The following STXBP4 variants were observed in gnomAD, a reference collection of about 807,000 sequenced individuals.
STXBP4 encodes the protein syntaxin binding protein 4, also known as syntaxin-binding protein 4.
Under a neutral mutation model 76.1 loss-of-function variants are expected in STXBP4, and 55 were observed. The ratio of observed to expected loss-of-function variants is 0.72; its 90% CI spans 0.58 to 0.91. STXBP4 has a LOEUF of 0.91. Ranked by LOEUF, STXBP4 falls within the 40% of genes least tolerant of loss-of-function variation. The pLI is 0.00. For synonymous variants in STXBP4, 201 were observed against 220.2 expected (o/e 0.91, Z 0.77); for missense variants, 618 against 636.9 (o/e 0.97, Z 0.32).
chr17:55,056,506 C>G (rs2078924644), intron 12 of STXBP4, among the ~76,000 whole-genome samples: 3 of 152,086 alleles, frequency 2.0e-5, no homozygotes, highest in Admixed American at 2.0e-4. Context: ...TCCACACTAA[C>G]AAAACTATTT....
chr17:55,184,822 T>C, the STXBP4 span, among the ~76,000 whole-genome samples: 5 of 152,306 alleles, frequency 3.3e-5, no homozygotes, highest in East Asian at 7.7e-4. Context: ...GATGGTATTA[T>C]TGTACTAATG....
At chr17:55,076,347 G>A (rs1360561133) in intron 13 of STXBP4, among the ~76,000 whole-genome samples, 1 of 152,096 alleles carries the variant, frequency 6.6e-6, no homozygotes, top group Non-Finnish European at 1.5e-5. Flanking sequence ...CTTTCTTCAT[G>A]AGTACATATT....
At chr17:55,082,346 A>T (rs2079266603) in intron 16 of STXBP4, among the ~76,000 whole-genome samples, 1 of 152,192 alleles carries the variant, frequency 6.6e-6, no homozygotes, top group South Asian at 2.1e-4. Context: ...TAAAGTTCTG[A>T]AGAGAAGAAA....
At chr17:55,031,022 A>G (rs1436727542) in intron 8 of STXBP4, 146 bp from the exon 9 acceptor site, 3 of 584,244 alleles carry the variant, frequency 5.1e-6, no homozygotes, top group Non-Finnish European at 9.0e-6. Flanking sequence ...CACTTAATCC[A>G]TAAAGAGCTG....
Position 55,167,358 on chromosome 17 carries a change from T to C in STXBP4, c.*7447T>C, listed in dbSNP as rs1464443675. On this transcript the variant is annotated 3_prime_UTR_variant, in exon 18 of 18. Transcript: ENST00000376352. ...CATTAACATAAAAAACTCTTTTAGCTGTTTCCTGCTTCTGGCAGGGAAACA... is the reference window on the plus strand; with the variant it reads ...CATTAACATAAAAAACTCTTTTAGCCGTTTCCTGCTTCTGGCAGGGAAACA... 3.3e-5 allele frequency: 5 copies of C among 152,252 alleles called. No individual in the cohort carries two copies. The highest frequency in any genetic ancestry group is 3.3e-4 in the Admixed American group (5 of 15,292). The allele number at this position is 152,252 out of a possible 1,614,324, so 9.4% of individuals were successfully genotyped here. A position where few individuals can be genotyped will look rare whatever the true frequency, so the allele number is the denominator to read the frequency against.
chr17:55,101,334 A>T (rs2079562434), intron 16 of STXBP4, among the ~76,000 whole-genome samples: 1 of 152,106 alleles, frequency 6.6e-6, no homozygotes, highest in African/African-American at 2.4e-5. Context: ...CCCCTTTGAC[A>T]CTTTTCTATC....
At chr17:55,095,783 C>A (rs908454379) in intron 16 of STXBP4, among the ~76,000 whole-genome samples, 1 of 152,094 alleles carries the variant, frequency 6.6e-6, no homozygotes, top group African/African-American at 2.4e-5. Context: ...GATCAAAGCT[C>A]ATAGAACTTA....
intron 8 of STXBP4, among the ~76,000 whole-genome samples, chr17:55,030,103 C>A (rs1329788781): frequency 2.0e-5 from 3 of 152,188 alleles, no homozygotes; most frequent in Non-Finnish European, 4.4e-5. Flanking sequence ...CTATATATAA[C>A]TGGCGAACTC....
At chr17:54,969,911 A>G (rs1353296025) in intron 1 of STXBP4, among the ~76,000 whole-genome samples, 3 of 152,252 alleles carry the variant, frequency 2.0e-5, no homozygotes, top group African/African-American at 7.2e-5. Flanking sequence ...GGAATTTCAG[A>G]TAACAATCAG....
At chr17:54,979,567 A>G (rs1191431765) in intron 1 of STXBP4, among the ~76,000 whole-genome samples, 1 of 152,220 alleles carries the variant, frequency 6.6e-6, no homozygotes, top group Non-Finnish European at 1.5e-5. Context: ...CTCAATATGA[A>G]CTGAAATTCT....
chr17:55,109,939 G>C (rs244366), intron 16 of STXBP4, among the ~76,000 whole-genome samples: 95,256 of 152,008 alleles, frequency 0.63, 30,516 homozygotes, highest in African/African-American at 0.75. Context: ...GCACCCAGCT[G>C]TCAATGTCTT....
intron 16 of STXBP4, among the ~76,000 whole-genome samples, chr17:55,083,106 A>G (rs2079277963): frequency 1.3e-5 from 2 of 151,844 alleles, no homozygotes; most frequent in African/African-American, 4.8e-5. Flanking sequence ...CCTCTCAGGT[A>G]GCTGAGACCA....
rs903298298 is a variant in STXBP4 at position 55,087,373 on chromosome 17, A to AT, written c.1489+6197dup. Reference sequence around the variant, plus strand: ...ACCATTGTCTTGAAGTGTTTCCCCTATTTTTTTCTCCTAGTAGTTTTATAT... The same window carrying AT: ...ACCATTGTCTTGAAGTGTTTCCCCTATTTTTTTTCTCCTAGTAGTTTTATAT... On this transcript the variant is annotated intron_variant, in intron 16 of 17. Transcript: ENST00000376352. Among the ~76,000 whole-genome samples the AT allele has an allele frequency of 2.6e-5, 4 of 151,556 alleles. No individual in the cohort carries two copies. The South Asian group carries it at 8.4e-4, about 32-fold the overall frequency.
In STXBP4 at chr17:54,999,441, G is replaced by A; in HGVS notation, c.277G>A (p.Ala93Thr). 1 of 1,610,282 alleles carries A rather than the reference G, an allele frequency of 6.2e-7. No homozygotes were observed. Among genetic ancestry groups the A allele is most frequent in the Non-Finnish European group, 8.5e-7 (1 of 1,178,202 alleles). ...AGAAGCAAAAAGCATAATTACCGGA[G>A]CCAAGTTGAGGTAACTATACTATCC... ...FEEAKSIITG[A>T]KLRLESAWEI... Residue 93 changes from alanine (A) to threonine (T), a missense_variant, in exon 5 of 18, where the codon GCC (alanine) becomes ACC (threonine). By Grantham distance (58) the Ala-to-Thr change is moderately conservative. Transcript: ENST00000376352.
chr17:55,014,032 C>T (rs181320100), intron 8 of STXBP4, among the ~76,000 whole-genome samples: 159 of 152,310 alleles, frequency 1.0e-3, no homozygotes, highest in African/African-American at 3.4e-3. Context: ...AGATCTTGCA[C>T]TAACCTCCAC....
At position 55,130,176 on chromosome 17, in the gene STXBP4, T is replaced by A. The variant is rs2079959120; in HGVS notation, c.1490-11134T>A. The stretch of plus-strand genomic sequence containing the variant: ...AAAAAATTAATTTGAAAATAAATTG[T>A]TCCCCAGATACTCCAGATAAAAACT... On this transcript the variant is annotated intron_variant, in intron 16 of 17. Transcript: ENST00000376352. 2.0e-5 allele frequency among the ~76,000 whole-genome samples: 3 copies of A among 152,176 alleles called. No individual in the cohort carries two copies. The South Asian group carries it at 6.2e-4, about 32-fold the overall frequency.
chr17:55,166,174 C>A lies in STXBP4; in HGVS notation c.*6263C>A, dbSNP rs530868623. The A allele has an allele frequency of 1.3e-5, 2 of 152,074 alleles. No individual in the cohort carries two copies. Among genetic ancestry groups the A allele is most frequent in the Non-Finnish European group, 2.9e-5 (2 of 68,024 alleles). The allele number at this position is 152,074 out of a possible 1,614,324, so 9.4% of individuals were successfully genotyped here. On this transcript the variant is annotated 3_prime_UTR_variant, in exon 18 of 18. Transcript: ENST00000376352. The stretch of plus-strand genomic sequence containing the variant: ...CTGTCTCTGCTTCTTCCTTAGGCAG[C>A]GATTTACCTAATTGGTGAGTTTAGG...
rs2080325221 is a variant in STXBP4 at position 55,160,190 on chromosome 17, A to G, written c.*279A>G. 1 of 191,500 alleles carries G rather than the reference A, an allele frequency of 5.2e-6. No individual in the cohort carries two copies. The highest frequency in any genetic ancestry group is 2.3e-5 in the African/African-American group (1 of 42,968). 11.9% of individuals were successfully genotyped at this position (191,500 alleles called of 1,614,324 possible). A position where few individuals can be genotyped will look rare whatever the true frequency, so the allele number is the denominator to read the frequency against. ...TTATAATATATATACTTTTTCATAT[A>G]TAATTAGATCTTTCTTTGTAATTTC... On this transcript the variant is annotated 3_prime_UTR_variant, in exon 18 of 18. Coordinates refer to ENST00000376352, the MANE Select transcript of STXBP4 (RefSeq NM_178509.6).
In STXBP4 at chr17:55,034,178, G is replaced by A; in HGVS notation, c.774G>A (p.Gln258=). 1.2e-6 allele frequency: 2 copies of A among 1,612,150 alleles called. No individual in the cohort carries two copies. The change falls in exon 10 of 18, where the codon CAG becomes CAA. Residue 258 remains glutamine, a synonymous_variant. Coordinates refer to ENST00000376352, the MANE Select transcript of STXBP4 (RefSeq NM_178509.6). ...KGTVSFGDFV[Q]VARNLFCLQL... ...TGTGTTCCATTTTAGATTTTGTCCA[G>A]GTTGCCAGAAACTTGTTTTGCTTGC...
Sources: gnomAD v4.1 joint callset for allele counts (sites outside exome capture counted in the v4.1 genomes callset) on GRCh38, gnomAD v4.1.1 for gene constraint, MANE v1.5 for transcripts, NCBI Gene and HGNC (gene_info 2026-07-23, HGNC 2026-07-21) for gene names.